The following EPHA6 variants were observed in gnomAD, a reference collection of about 807,000 sequenced individuals.
The protein encoded by EPHA6 is EPH receptor A6.
Under a neutral mutation model 112.0 loss-of-function variants are expected in EPHA6, and 50 were observed. That is an observed-to-expected ratio of 0.45 (90% CI 0.36 to 0.56). EPHA6 has a LOEUF of 0.56. EPHA6 is among the 20% of genes least tolerant of loss of function. The pLI is 0.00. For synonymous variants in EPHA6, 529 were observed against 490.7 expected (o/e 1.08, Z -1.03); for missense variants, 1,280 against 1,417.4 (o/e 0.90, Z 1.56).
chr3:97,027,042 T>A lies in EPHA6; in HGVS notation c.1114+39049T>A, dbSNP rs191172397. On this transcript the variant is annotated intron_variant, in intron 3 of 17. Transcript: ENST00000389672. ...AGCAAAGACATGGAATCAATCTAAATGCCCATCAGTGATAGACTGGATAAA... is the reference window on the plus strand; with the variant it reads ...AGCAAAGACATGGAATCAATCTAAAAGCCCATCAGTGATAGACTGGATAAA... 3.3e-5 allele frequency among the ~76,000 whole-genome samples: 5 copies of A among 152,250 alleles called. No homozygotes were observed. In the East Asian group the frequency reaches 9.6e-4, roughly 29 times the overall value.
At chr3:97,543,311 A>G (rs995079763) in intron 11 of EPHA6, among the ~76,000 whole-genome samples, 1 of 152,100 alleles carries the variant, frequency 6.6e-6, no homozygotes, top group African/African-American at 2.4e-5. Context: ...CTTTCTACAT[A>G]TGGCTAGCCA....
At chr3:96,855,683 GAAAA>G (rs764764086) in intron 1 of EPHA6, among the ~76,000 whole-genome samples, 1 of 132,308 alleles carries the variant, frequency 7.6e-6, no homozygotes, top group African/African-American at 2.7e-5. Context: ...CTTTGAAAAT[GAAAA>G]AAAAAAACAG....
At chr3:97,475,507 T>C (rs2091344116) in intron 8 of EPHA6, 47 bp downstream of exon 8, 1 of 1,315,346 alleles carries the variant, frequency 7.6e-7, no homozygotes, top group Non-Finnish European at 1.1e-6. Flanking sequence ...GAATAACCAC[T>C]CTTTTTATAC....
chr3:96,994,709 G>GTGTGTATATATATATATATA (rs1363786371), intron 3 of EPHA6, among the ~76,000 whole-genome samples: 5 of 98,480 alleles, frequency 5.1e-5, no homozygotes, highest in African/African-American at 2.7e-4. Context: ...GTGTGTGTGT[G>GTGTGTATATATATATATATA]TATATATATA....
intron 5 of EPHA6, among the ~76,000 whole-genome samples, chr3:97,352,301 G>A (rs1260912668): frequency 6.6e-6 from 1 of 152,106 alleles, no homozygotes; most frequent in Non-Finnish European, 1.5e-5. Flanking sequence ...TTGAACAACT[G>A]TCTGTACAAG....
intron 2 of EPHA6, among the ~76,000 whole-genome samples, chr3:96,919,446 T>C (rs1370291975): frequency 1.3e-5 from 2 of 151,912 alleles, no homozygotes; most frequent in Non-Finnish European, 3.0e-5. Context: ...TAGAAATTCA[T>C]AAAAGTACAT....
At chr3:97,698,608 T>C (rs1210397609) in intron 14 of EPHA6, among the ~76,000 whole-genome samples, 3 of 152,176 alleles carry the variant, frequency 2.0e-5, no homozygotes, top group Non-Finnish European at 4.4e-5. Flanking sequence ...GACATTTTTA[T>C]TCACGGTATT....
intron 3 of EPHA6, among the ~76,000 whole-genome samples, chr3:97,174,025 C>T (rs1273784294): frequency 1.3e-5 from 2 of 151,642 alleles, no homozygotes; most frequent in Admixed American, 1.3e-4. Flanking sequence ...CTACCTTCCC[C>T]CCCAGTCCCC....
chr3:97,587,918 T>G (rs1025559838), intron 11 of EPHA6, among the ~76,000 whole-genome samples: 9 of 152,188 alleles, frequency 5.9e-5, no homozygotes, highest in African/African-American at 2.2e-4. Flanking sequence ...GTAAATTATT[T>G]ACTTCATTCT....
intron 5 of EPHA6, among the ~76,000 whole-genome samples, chr3:97,291,948 C>T (rs576919572): frequency 6.6e-5 from 10 of 152,324 alleles, no homozygotes; most frequent in African/African-American, 1.9e-4. Flanking sequence ...GAGCTACCAG[C>T]GTGGATCCCA....
chr3:97,156,731 C>T (rs1175406584), intron 3 of EPHA6, among the ~76,000 whole-genome samples: 1 of 152,044 alleles, frequency 6.6e-6, no homozygotes, highest in Non-Finnish European at 1.5e-5. Flanking sequence ...AATTTAAGAA[C>T]ATTGCTTGTT....
chr3:97,725,402 G>C (rs914419117), intron 15 of EPHA6, among the ~76,000 whole-genome samples: 4 of 152,130 alleles, frequency 2.6e-5, no homozygotes, highest in Non-Finnish European at 5.9e-5. Context: ...GAGGTGGTCA[G>C]AGCATTGTAA....
intron 5 of EPHA6, among the ~76,000 whole-genome samples, chr3:97,387,904 C>T (rs960921805): frequency 3.3e-5 from 5 of 152,114 alleles, no homozygotes; most frequent in African/African-American, 7.2e-5. Flanking sequence ...AGGAAACTTA[C>T]AGTCATAGCA....
At chr3:96,821,047 A>G (rs755286045) in intron 1 of EPHA6, among the ~76,000 whole-genome samples, 1 of 151,960 alleles carries the variant, frequency 6.6e-6, no homozygotes, top group Non-Finnish European at 1.5e-5. Flanking sequence ...TTCTGTTTAA[A>G]TGAAGAAATG....
At chr3:97,680,814 GT>G (rs2031803502) in intron 14 of EPHA6, among the ~76,000 whole-genome samples, 1 of 152,138 alleles carries the variant, frequency 6.6e-6, no homozygotes, top group Non-Finnish European at 1.5e-5. Context: ...AGCACACAAG[GT>G]GTTTAAATGA....
intron 1 of EPHA6, among the ~76,000 whole-genome samples, chr3:96,861,882 A>G (rs1448219550): frequency 6.6e-6 from 1 of 151,942 alleles, no homozygotes; most frequent in African/African-American, 2.4e-5. Context: ...AAGTACAGAG[A>G]GGACCATACC....
At chr3:97,127,908 A>C (rs1276497928) in intron 3 of EPHA6, among the ~76,000 whole-genome samples, 1 of 151,518 alleles carries the variant, frequency 6.6e-6, no homozygotes, top group Non-Finnish European at 1.5e-5. Flanking sequence ...GAGTACATAG[A>C]TTTTTAGTTA....
In EPHA6 at chr3:97,354,050, T is replaced by C. The variant is rs543024759; in HGVS notation, c.1607-51100T>C. 6.6e-5 allele frequency among the ~76,000 whole-genome samples: 10 copies of C among 152,302 alleles called. No individual in the cohort carries two copies. The East Asian group carries it at 9.7e-4, about 15-fold the overall frequency. On this transcript the variant is annotated intron_variant, in intron 5 of 17. Coordinates refer to ENST00000389672, the MANE Select transcript of EPHA6 (RefSeq NM_001080448.3). ...ACAACACAATGCCTCTATGAACCTG[T>C]AAGAGTCACAGCATTACTAGGCTAG...
intron 11 of EPHA6, among the ~76,000 whole-genome samples, chr3:97,543,409 A>G (rs1480313563): frequency 1.3e-5 from 2 of 152,130 alleles, no homozygotes; most frequent in Non-Finnish European, 2.9e-5. Context: ...AGCTGTAGAT[A>G]TGCAGCATTA....
Sources: allele counts gnomAD v4.1 joint callset (sites outside exome capture counted in the v4.1 genomes callset), GRCh38; gene constraint gnomAD v4.1.1; transcripts MANE v1.5; gene names NCBI Gene and HGNC (gene_info 2026-07-23, HGNC 2026-07-21).